The following GANAB variants were observed in gnomAD, a reference collection of about 807,000 sequenced individuals.
The protein encoded by GANAB is glucosidase II alpha subunit.
In GANAB, 35 loss-of-function variants were observed where a neutral mutation model predicts 129.9. The observed-to-expected ratio is 0.27, with a 90% CI of 0.21 to 0.36. GANAB has a LOEUF of 0.36. Ranked by LOEUF, GANAB falls within the 10% of genes least tolerant of loss-of-function variation. GANAB has a pLI of 1.00. For synonymous variants in GANAB, 482 were observed against 451.8 expected (o/e 1.07, Z -0.85); for missense variants, 939 against 1,221.0 (o/e 0.77, Z 3.44).
chr11:62,645,607 T>C (rs537932741), intron 1 of GANAB, among the ~76,000 whole-genome samples: 1 of 151,852 alleles, frequency 6.6e-6, no homozygotes, highest in South Asian at 2.1e-4. Context: ...GTCTGTAAAA[T>C]TGGTTCGGAA....
At position 62,627,117 on chromosome 11, in the gene GANAB, C is replaced by A; in HGVS notation, c.2253G>T (p.Ala751=). 3 of 1,613,252 alleles carry A rather than the reference C, an allele frequency of 1.9e-6. No individual in the cohort carries two copies. Among genetic ancestry groups the A allele is most frequent in the Non-Finnish European group, 1.7e-6 (2 of 1,179,214 alleles). ...AGTCTGATACAGGGTGAACCAGCAACGCATCCCCTAAAATATGCCAGAATC... is the reference window on the plus strand; with the variant it reads ...AGTCTGATACAGGGTGAACCAGCAAAGCATCCCCTAAAATATGCCAGAATC... ...NIDDQYLLGD[A]LLVHPVSDSG... The change falls in exon 19 of 24, where the codon GCG becomes GCT. Residue 751 remains alanine (A), a synonymous_variant. Coordinates refer to ENST00000356638, the MANE Select transcript of GANAB (RefSeq NM_198334.3).
At chr11:62,631,486 CAG>C (rs530164947) in intron 9 of GANAB, among the ~76,000 whole-genome samples, 5 of 147,952 alleles carry the variant, frequency 3.4e-5, no homozygotes, top group Admixed American at 6.7e-5. Flanking sequence ...TTTTTTTAGA[CAG>C]AGTCTCACTC....
At chr11:62,631,603 C>G (rs1309734615) in intron 9 of GANAB, among the ~76,000 whole-genome samples, 1 of 151,656 alleles carries the variant, frequency 6.6e-6, no homozygotes, top group East Asian at 1.9e-4. Flanking sequence ...GCTAAGACTA[C>G]AGGCGCACAC....
At chr11:62,639,757 G>C (rs375218616) in intron 1 of GANAB, 26 bp from the exon 2 acceptor site, 580 of 1,523,296 alleles carry the variant, frequency 3.8e-4, no homozygotes, top group Non-Finnish European at 5.0e-4. Flanking sequence ...CAAAGACAGA[G>C]CAATCAGCAT....
In GANAB at chr11:62,629,614, G is replaced by C; in HGVS notation, c.1808C>G (p.Ala603Gly). The C allele has an allele frequency of 1.9e-6, 3 of 1,611,328 alleles. No individual in the cohort carries two copies. The highest frequency in any genetic ancestry group is 2.5e-6 in the Non-Finnish European group (3 of 1,178,688). Residue 603 changes from alanine to glycine, a missense_variant, in exon 15 of 24, where the codon GCC (alanine) becomes GGC (glycine). By Grantham distance (60) the Ala-to-Gly change is moderately conservative (BLOSUM62 0). Transcript: ENST00000356638. ...GMERPFVLAR[A>G]FFAGSQRFGA... is the part of the protein sequence containing the mutation. ...AAAGCGCTGGGAGCCAGCGAAGAAGGCCCTGGCCAGGACAAAGGGGCGTTC... is the reference window on the plus strand; with the variant it reads ...AAAGCGCTGGGAGCCAGCGAAGAAGCCCCTGGCCAGGACAAAGGGGCGTTC...
Position 62,631,039 on chromosome 11 carries a change from T to G in GANAB, c.1141A>C (p.Ser381Arg). 1 of 1,601,906 alleles carries G rather than the reference T, an allele frequency of 6.2e-7. No individual in the cohort carries two copies. The highest frequency in any genetic ancestry group is 2.3e-5 in the East Asian group (1 of 44,434). Reference sequence around the variant, plus strand: ...AGGGAAAACCATGTACCTGTGAGACTAGCATATTGCCGGAAAACATCAGAG... The same window carrying G: ...AGGGAAAACCATGTACCTGTGAGACGAGCATATTGCCGGAAAACATCAGAG... ...SISDVFRQYA[S>R]LTGTQALPPL... The change falls in exon 10 of 24, where the codon AGT becomes CGT. Residue 381 changes from serine (S) to arginine (R), a missense_variant. This residue lies in a region of GANAB where 220 missense variants were observed against 295.9 expected (regional missense o/e 0.74). Coordinates refer to ENST00000356638, the MANE Select transcript of GANAB (RefSeq NM_198334.3).
intron 5 of GANAB, 151 bp downstream of exon 5, chr11:62,634,670 G>A (rs1004248162): frequency 5.9e-6 from 4 of 680,912 alleles, no homozygotes; most frequent in Middle Eastern, 8.3e-4. Flanking sequence ...CCGCACCCGG[G>A]TCTGGTTCCT....
Position 62,630,588 on chromosome 11 carries a change from T to G in GANAB, c.1386+13A>C. ...CTACCCTGAGAAGACCAAGCGTGAC[T>G]GCAACCCCTTACCTTCCGCCTCTTA... On this transcript the variant is annotated intron_variant, in intron 11 of 23. Transcript: ENST00000356638. 1.2e-6 allele frequency: 2 copies of G among 1,611,234 alleles called. No individual in the cohort carries two copies. The highest frequency in any genetic ancestry group is 1.7e-6 in the Non-Finnish European group (2 of 1,177,606).
chr11:62,642,025 A>G (rs956467273), intron 1 of GANAB, among the ~76,000 whole-genome samples: 1 of 151,692 alleles, frequency 6.6e-6, no homozygotes, highest in African/African-American at 2.4e-5. Context: ...CAGCCTGGCC[A>G]ATATGGTGAA....
At position 62,633,289 on chromosome 11, in the gene GANAB, G is replaced by A. The variant is rs372528710; in HGVS notation, c.631-18C>T. 3.7e-5 allele frequency: 59 copies of A among 1,596,882 alleles called. No homozygotes were observed. In the East Asian group the frequency reaches 6.0e-4, roughly 16 times the overall value. On this transcript the variant is annotated intron_variant, in intron 6 of 23. Coordinates refer to ENST00000356638, the MANE Select transcript of GANAB (RefSeq NM_198334.3). ...TCCTCTGGCTGTTAAGAAGAAAAGA[G>A]GACCACTCTCCAATCATACCAGTTC...
rs577582661 is a variant in GANAB at position 62,640,562 on chromosome 11, G to A, written c.39-831C>T. ...AAAAAAAAAAAAAAGGGCCGGGTGC[G>A]GTGGCTCATGCCTGTAATCCCAGCA... is the stretch of plus-strand genomic sequence containing the variant. On this transcript the variant is annotated intron_variant, in intron 1 of 23. Coordinates refer to ENST00000356638, the MANE Select transcript of GANAB (RefSeq NM_198334.3). Among the ~76,000 whole-genome samples the A allele has an allele frequency of 3.3e-4, 48 of 145,548 alleles. No individual in the cohort carries two copies. In the South Asian group the frequency reaches 3.5e-3, roughly 11 times the overall value.
In GANAB at chr11:62,639,084, C is replaced by A. The variant is rs542289148; in HGVS notation, c.279G>T (p.Gly93=). 1.2e-5 allele frequency: 19 copies of A among 1,613,956 alleles called. No individual in the cohort carries two copies. In the African/African-American group the frequency reaches 2.5e-4, roughly 22 times the overall value. ...TGAACCGAGTCATGTTCTTTTGAAGCCCCTGAAGCTCTAGCACCAGCAACA... is the reference window on the plus strand; with the variant it reads ...TGAACCGAGTCATGTTCTTTTGAAGACCCTGAAGCTCTAGCACCAGCAACA... ...TKVLLVLELQ[G]LQKNMTRFRI... The change falls in exon 4 of 24, where the codon GGG becomes GGT. Residue 93 remains glycine (G), a synonymous_variant. Coordinates refer to ENST00000356638, the MANE Select transcript of GANAB (RefSeq NM_198334.3).
intron 1 of GANAB, among the ~76,000 whole-genome samples, chr11:62,642,655 C>T (rs1400837370): frequency 1.3e-5 from 2 of 152,046 alleles, no homozygotes; most frequent in Non-Finnish European, 2.9e-5. Flanking sequence ...AGGCTCGTAT[C>T]GAACTCCTGA....
At chr11:62,641,006 T>G (rs1467164351) in intron 1 of GANAB, among the ~76,000 whole-genome samples, 91 of 151,772 alleles carry the variant, frequency 6.0e-4, no homozygotes, top group Non-Finnish European at 1.6e-4. Context: ...AGCCACATCT[T>G]TCTATCGGCA....
Position 62,625,585 on chromosome 11 carries a change from G to A in GANAB, c.*230C>T, listed in dbSNP as rs1943329569. 6 of 559,412 alleles carry A rather than the reference G, an allele frequency of 1.1e-5. No individual in the cohort carries two copies. In the South Asian group the frequency reaches 1.2e-4, roughly 11 times the overall value. 34.7% of individuals were successfully genotyped at this position (559,412 alleles called of 1,614,324 possible). On this transcript the variant is annotated 3_prime_UTR_variant, in exon 24 of 24. Transcript: ENST00000356638. ...TCCAGTTAGAGCAACAGGATGTTGG[G>A]GGAATGAAGGGAAAGAGTTGGTATC...
chr11:62,630,034 C>T (rs567327395), intron 13 of GANAB, 77 bp from the exon 14 acceptor site: 1 of 1,501,622 alleles, frequency 6.7e-7, no homozygotes, highest in African/African-American at 1.4e-5. Context: ...GAAGAGAGCT[C>T]CTAGGAATCT....
Position 62,634,817 on chromosome 11 carries a change from T to C in GANAB, c.560+4A>G. 6.2e-7 allele frequency: 1 copy of C among 1,612,078 alleles called. No homozygotes were observed. Among genetic ancestry groups the C allele is most frequent in the East Asian group, 2.2e-5 (1 of 44,840 alleles). On this transcript the variant is annotated splice_donor_region_variant and intron_variant, in intron 5 of 23. Coordinates refer to ENST00000356638, the MANE Select transcript of GANAB (RefSeq NM_198334.3). Reference sequence around the variant, plus strand: ...TTCCCTGCAGTCCCAACCCCTGTACTCACGAGACCCTAGGGGCCCTCTGAT... The same window carrying C: ...TTCCCTGCAGTCCCAACCCCTGTACCCACGAGACCCTAGGGGCCCTCTGAT...
At chr11:62,634,225 G>T in intron 5 of GANAB, 1 of 894,858 alleles carries the variant, frequency 1.1e-6, no homozygotes, top group Non-Finnish European at 1.9e-6. Context: ...GGCTGGAAGG[G>T]TCTGGGGCAC....
chr11:62,627,091 G>C lies in GANAB; in HGVS notation c.2279C>G (p.Ser760Cys). ...ATAGACCTGGACACCATGGGCTCCA[G>C]AGTCTGATACAGGGTGAACCAGCAA... ...DALLVHPVSD[S>C]GAHGVQVYLP... is the part of the protein sequence containing the mutation. The change falls in exon 19 of 24, where the codon TCT becomes TGT. Residue 760 changes from serine (S) to cysteine (C), a missense_variant. Physicochemically the swap from Ser to Cys is moderately radical, Grantham distance 112. Transcript: ENST00000356638. 6.2e-7 allele frequency: 1 copy of C among 1,613,958 alleles called. No individual in the cohort carries two copies. The highest frequency in any genetic ancestry group is 8.5e-7 in the Non-Finnish European group (1 of 1,179,844).
Sources: allele counts gnomAD v4.1 joint callset (sites outside exome capture counted in the v4.1 genomes callset), GRCh38; gene constraint gnomAD v4.1.1; regional missense constraint gnomAD v4.1.1; transcripts MANE v1.5; gene names NCBI Gene and HGNC (gene_info 2026-07-23, HGNC 2026-07-21).